Variants in MICU2 observed in about 807,000 individuals in gnomAD.
MICU2 encodes the protein calcium uptake protein 2, mitochondrial.
In MICU2, 64 loss-of-function variants were observed where a neutral mutation model predicts 60.4. That is an observed-to-expected ratio of 1.06 (90% confidence interval 0.87 to 1.31). MICU2 has a LOEUF of 1.31. Ranked by LOEUF, MICU2 falls within the 50% of genes most tolerant of loss-of-function variation. The pLI is 0.00. For synonymous variants in MICU2, 201 were observed against 175.0 expected (o/e 1.15, Z -1.17); for missense variants, 569 against 531.0 (o/e 1.07, Z -0.70).
At chr13:21,603,916 A>C (rs1187739290) in intron 1 of MICU2, 23 bp downstream of exon 1, 1 of 1,608,846 alleles carries the variant, frequency 6.2e-7, no homozygotes, top group Non-Finnish European at 8.5e-7. Context: ...GACTGGGGCT[A>C]GCAGAAGGAG....
chr13:21,506,618 A>G (rs1886297716), intron 8 of MICU2, among the ~76,000 whole-genome samples: 1 of 152,220 alleles, frequency 6.6e-6, no homozygotes, highest in Non-Finnish European at 1.5e-5. Context: ...ACTAGAAATC[A>G]TTGTTTAATA....
Position 21,559,335 on chromosome 13 carries a change from T to A in MICU2, c.358+7462A>T, listed in dbSNP as rs144286687. On this transcript the variant is annotated intron_variant, in intron 2 of 11. Coordinates refer to ENST00000382374, the MANE Select transcript of MICU2 (RefSeq NM_152726.3). ...CTGTTATTAAGGGACAGTTGAGTTG[T>A]TTCCAGCTTTTGCTAATATAACACT... Among the ~76,000 whole-genome samples the A allele has an allele frequency of 3.7e-4, 56 of 152,320 alleles. No individual in the cohort carries two copies. In the East Asian group the frequency reaches 7.7e-3, roughly 21 times the overall value.
intron 2 of MICU2, among the ~76,000 whole-genome samples, chr13:21,566,202 T>C (rs889977169): frequency 1.4e-4 from 21 of 152,156 alleles, no homozygotes; most frequent in Admixed American, 1.3e-3. Context: ...TGCATATTTA[T>C]AGAGAGTATT....
chr13:21,590,769 C>T (rs112074329), intron 1 of MICU2, among the ~76,000 whole-genome samples: 4 of 152,250 alleles, frequency 2.6e-5, no homozygotes, highest in African/African-American at 7.2e-5. Context: ...GCAGGAGGAT[C>T]GCTTGAACCC....
chr13:21,558,547 C>T (rs767200018), intron 2 of MICU2, among the ~76,000 whole-genome samples: 1 of 152,170 alleles, frequency 6.6e-6, no homozygotes, highest in African/African-American at 2.4e-5. Flanking sequence ...TTGAACTTCT[C>T]CATTTTCTGT....
At chr13:21,531,039 C>A in intron 4 of MICU2, 1 of 924,974 alleles carries the variant, frequency 1.1e-6, no homozygotes, top group South Asian at 1.3e-5. Context: ...AGGGATTTTG[C>A]AGGATCGTGG....
intron 2 of MICU2, among the ~76,000 whole-genome samples, chr13:21,552,129 A>G (rs1887584420): frequency 1.3e-5 from 2 of 152,126 alleles, no homozygotes; most frequent in Admixed American, 1.3e-4. Context: ...CGCCATTCTA[A>G]CTGGTGTGAG....
intron 2 of MICU2, among the ~76,000 whole-genome samples, chr13:21,553,110 C>T (rs1887615011): frequency 6.6e-6 from 1 of 152,256 alleles, no homozygotes; most frequent in Non-Finnish European, 1.5e-5. Context: ...TTTCATTGAG[C>T]AGTGGTTTGT....
intron 7 of MICU2, among the ~76,000 whole-genome samples, chr13:21,510,519 T>G (rs1051741267): frequency 1.3e-5 from 2 of 152,258 alleles, no homozygotes; most frequent in Admixed American, 6.5e-5. Context: ...TTGCTTTTCC[T>G]AATTATAAAA....
intron 1 of MICU2, among the ~76,000 whole-genome samples, chr13:21,573,842 T>C (rs2138048762): frequency 6.6e-6 from 1 of 152,180 alleles, no homozygotes; most frequent in East Asian, 1.9e-4. Flanking sequence ...CAGTACAAGG[T>C]GGGTAACAGC....
intron 7 of MICU2, among the ~76,000 whole-genome samples, chr13:21,511,283 C>G (rs1404338456): frequency 6.6e-6 from 1 of 152,066 alleles, no homozygotes; most frequent in Admixed American, 6.5e-5. Flanking sequence ...AGGAGAATAT[C>G]ATTTGTGCTC....
intron 1 of MICU2, among the ~76,000 whole-genome samples, chr13:21,587,754 A>G (rs1313664609): frequency 1.2e-4 from 19 of 152,198 alleles, no homozygotes; most frequent in Non-Finnish European, 1.5e-5. Flanking sequence ...CCTATGATGA[A>G]CTAGGGACTA....
rs372549204 is a variant in MICU2 at position 21,514,334 on chromosome 13, G to A, written c.663+19C>T. 2.5e-6 allele frequency: 4 copies of A among 1,579,360 alleles called. No individual in the cohort carries two copies. In the African/African-American group the frequency reaches 5.5e-5, roughly 22 times the overall value. Reference sequence around the variant, plus strand: ...TAGCTATTATAAATATCAATTGTTTGGAAATCATCTGTACATACCTGATAT... The same window carrying A: ...TAGCTATTATAAATATCAATTGTTTAGAAATCATCTGTACATACCTGATAT... On this transcript the variant is annotated intron_variant, in intron 7 of 11. Coordinates refer to ENST00000382374, the MANE Select transcript of MICU2 (RefSeq NM_152726.3).
intron 1 of MICU2, among the ~76,000 whole-genome samples, chr13:21,595,022 C>A (rs548723759): frequency 2.6e-5 from 4 of 151,784 alleles, no homozygotes; most frequent in Admixed American, 2.6e-4. Context: ...TAAAGAAAAA[C>A]CAACTAAAGA....
chr13:21,542,728 G>C (rs952343183), intron 2 of MICU2, among the ~76,000 whole-genome samples: 9 of 152,078 alleles, frequency 5.9e-5, no homozygotes, highest in African/African-American at 1.9e-4. Context: ...TGTTTTAAAA[G>C]GATTCCACCC....
At chr13:21,591,389 C>G (rs1266183365) in intron 1 of MICU2, among the ~76,000 whole-genome samples, 1 of 152,160 alleles carries the variant, frequency 6.6e-6, no homozygotes, top group Non-Finnish European at 1.5e-5. Flanking sequence ...TAGAGACCTA[C>G]AAAGAGAAGA....
intron 6 of MICU2, among the ~76,000 whole-genome samples, chr13:21,520,331 G>A (rs1886685483): frequency 6.6e-6 from 1 of 152,122 alleles, no homozygotes; most frequent in Non-Finnish European, 1.5e-5. Flanking sequence ...TAGGTCATAT[G>A]CCAAGGATAT....
rs556443183 is a variant in MICU2, at chr13:21,495,590, C to T, written c.1043-272G>A. On this transcript the variant is annotated intron_variant, in intron 10 of 11. Coordinates refer to ENST00000382374, the MANE Select transcript of MICU2 (RefSeq NM_152726.3). ...CTTGCTCGTCGCCCAGGCTGGAGTG[C>T]AATGGCACGATCTTGACTCACTACA... is the stretch of plus-strand genomic sequence containing the variant. The T allele has an allele frequency of 3.1e-5, 10 of 321,098 alleles. No homozygotes were observed. In the South Asian group the frequency reaches 5.6e-4, roughly 18 times the overall value. 19.9% of individuals were successfully genotyped at this position (321,098 alleles called of 1,614,324 possible). A position where few individuals can be genotyped will look rare whatever the true frequency, so the allele number is the denominator to read the frequency against.
chr13:21,539,639 C>A lies in MICU2; in HGVS notation c.390+18G>T, dbSNP rs575642685. The A allele has an allele frequency of 5.6e-6, 9 of 1,614,044 alleles. No homozygotes were observed. In the Admixed American group the frequency reaches 1.5e-4, roughly 27 times the overall value. ...TCTTACCAAAAACAAACCCTGCCCC[C>A]CACAACATGATGCTTACCTTTTTTG... On this transcript the variant is annotated intron_variant, in intron 3 of 11. Transcript: ENST00000382374.
Sources: gnomAD v4.1 joint callset for allele counts (sites outside exome capture counted in the v4.1 genomes callset) on GRCh38, gnomAD v4.1.1 for gene constraint, MANE v1.5 for transcripts, NCBI Gene and HGNC (gene_info 2026-07-23, HGNC 2026-07-21) for gene names.